Variants in THSD4 observed in about 807,000 individuals in gnomAD.
THSD4 encodes thrombospondin type-1 domain-containing protein 4.
In THSD4, 69 loss-of-function variants were observed where a neutral mutation model predicts 119.0. The ratio of observed to expected loss-of-function variants is 0.58; its 90% CI spans 0.48 to 0.71. The LOEUF is 0.71. Ranked by LOEUF, THSD4 falls within the 30% of genes least tolerant of loss-of-function variation. The probability of loss-of-function intolerance (pLI) is 0.00; values close to 1 mark genes in which losing one functional copy is unlikely to be tolerated. For missense variants in THSD4, 1,393 were observed against 1,391.1 expected, an observed-to-expected ratio of 1.00 and a Z score of -0.02; for synonymous variants, 524 against 540.4, an observed-to-expected ratio of 0.97 and a Z score of 0.42.
intron 1 of THSD4, among the ~76,000 whole-genome samples, chr15:71,130,232 C>T (rs1227366410): frequency 6.6e-6 from 1 of 152,160 alleles, no homozygotes; most frequent in African/African-American, 2.4e-5. Flanking sequence ...GTTGACCAGG[C>T]TCGAGTGCAG....
At chr15:71,747,499 C>T (rs1159092750) in intron 13 of THSD4, among the ~76,000 whole-genome samples, 3 of 152,166 alleles carry the variant, frequency 2.0e-5, no homozygotes, top group Non-Finnish European at 4.4e-5. Flanking sequence ...AGAAGACACA[C>T]GAACAACGTT....
intron 7 of THSD4, among the ~76,000 whole-genome samples, chr15:71,659,186 C>T (rs1163305228): frequency 6.6e-6 from 1 of 152,228 alleles, no homozygotes; most frequent in African/African-American, 2.4e-5. Context: ...TTTCAAGTAT[C>T]TTTCCATATC....
intron 3 of THSD4, among the ~76,000 whole-genome samples, chr15:71,200,580 C>CA (rs1567155436): frequency 6.6e-6 from 1 of 152,152 alleles, no homozygotes; most frequent in Non-Finnish European, 1.5e-5. Flanking sequence ...ATCAAGTGCT[C>CA]AAAGCCATTG....
At chr15:71,602,020 G>A (rs2050020280) in intron 7 of THSD4, among the ~76,000 whole-genome samples, 1 of 152,174 alleles carries the variant, frequency 6.6e-6, no homozygotes, top group Non-Finnish European at 1.5e-5. Context: ...ACATGATGTA[G>A]GAGGTGGGAT....
At chr15:71,203,942 C>T (rs1170751305) in intron 3 of THSD4, among the ~76,000 whole-genome samples, 1 of 152,216 alleles carries the variant, frequency 6.6e-6, no homozygotes, top group African/African-American at 2.4e-5. Context: ...CAGGCAGACT[C>T]TTCTGCTAGA....
At position 71,664,753 on chromosome 15, in the gene THSD4, T is replaced by G. The variant is rs536454391; in HGVS notation, c.1357+4019T>G. On this transcript the variant is annotated intron_variant, in intron 8 of 17. Coordinates refer to ENST00000261862, the MANE Select transcript of THSD4 (RefSeq NM_024817.3). Reference sequence around the variant, plus strand: ...TAAGTGATAGCATGTGGTATTTGGTTTTCTGTTCCTGCGTGGTTTTCTAAG... The same window carrying G: ...TAAGTGATAGCATGTGGTATTTGGTGTTCTGTTCCTGCGTGGTTTTCTAAG... Among the ~76,000 whole-genome samples the G allele has an allele frequency of 9.2e-5, 14 of 152,326 alleles. No homozygotes were observed. In the South Asian group the frequency reaches 1.9e-3, roughly 20 times the overall value.
At chr15:71,635,010 T>A (rs747400058) in intron 7 of THSD4, among the ~76,000 whole-genome samples, 10 of 152,196 alleles carry the variant, frequency 6.6e-5, no homozygotes, top group Non-Finnish European at 1.2e-4. Context: ...ATTAAGACCG[T>A]CAGATATTTC....
intron 8 of THSD4, among the ~76,000 whole-genome samples, chr15:71,703,111 A>C (rs2052324909): frequency 6.6e-6 from 1 of 152,014 alleles, no homozygotes; most frequent in African/African-American, 2.4e-5. Context: ...AGTAGCTGGA[A>C]TTACAGGCAT....
At chr15:71,113,116 G>T (rs1163526983), upstream of THSD4, among the ~76,000 whole-genome samples, 1 of 152,252 alleles carries the variant, frequency 6.6e-6, no homozygotes. Context: ...TTGAGCCCAG[G>T]AGGTGGAGCC....
At chr15:71,138,551 T>A (rs2040571606) in intron 1 of THSD4, among the ~76,000 whole-genome samples, 1 of 152,176 alleles carries the variant, frequency 6.6e-6, no homozygotes, top group Non-Finnish European at 1.5e-5. Context: ...GGGACTTGAC[T>A]GCCCAGTAGA....
At chr15:71,229,605 A>G (rs2044044893) in intron 4 of THSD4, among the ~76,000 whole-genome samples, 2 of 152,128 alleles carry the variant, frequency 1.3e-5, no homozygotes, top group African/African-American at 4.8e-5. Flanking sequence ...GCAACCATCC[A>G]TTTTTTTCAC....
At chr15:71,323,096 T>TA (rs34395762) in intron 6 of THSD4, among the ~76,000 whole-genome samples, 12,597 of 98,338 alleles carry the variant, frequency 0.13, 1,222 homozygotes, top group African/African-American at 0.25. Flanking sequence ...GACCCTGTCT[T>TA]AAAAAAAAAA....
At chr15:71,669,807 A>C (rs941134944) in intron 8 of THSD4, among the ~76,000 whole-genome samples, 3 of 152,146 alleles carry the variant, frequency 2.0e-5, no homozygotes, top group Non-Finnish European at 4.4e-5. Flanking sequence ...GTTTCCTCTG[A>C]GTGTGCGTGG....
chr15:71,403,811 A>G (rs924106818), intron 6 of THSD4, among the ~76,000 whole-genome samples: 3 of 151,258 alleles, frequency 2.0e-5, no homozygotes, highest in Admixed American at 6.6e-5. Context: ...CATTGCCCCT[A>G]TGGGACTTGG....
At chr15:71,549,593 A>C (rs2048896703) in intron 7 of THSD4, 1 of 152,194 alleles carries the variant, frequency 6.6e-6, no homozygotes, top group South Asian at 2.1e-4. Context: ...GTTACTTGCA[A>C]AACTTACCCA....
intron 4 of THSD4, among the ~76,000 whole-genome samples, chr15:71,236,290 CT>C (rs1182146753): frequency 1.3e-5 from 2 of 152,216 alleles, no homozygotes; most frequent in Non-Finnish European, 2.9e-5. Flanking sequence ...GGAAGCCCCC[CT>C]ATAGCTGCAG....
At chr15:71,695,787 A>G (rs1006788494) in intron 8 of THSD4, among the ~76,000 whole-genome samples, 1 of 152,152 alleles carries the variant, frequency 6.6e-6, no homozygotes, top group Non-Finnish European at 1.5e-5. Flanking sequence ...ACTCTTCCTC[A>G]TTGTTAGCTC....
chr15:71,727,731 C>G (rs1199695857), intron 8 of THSD4, among the ~76,000 whole-genome samples: 3 of 132,132 alleles, frequency 2.3e-5, no homozygotes, highest in Non-Finnish European at 4.7e-5. Context: ...GATCACACCA[C>G]TGCACTCCAG....
At chr15:71,599,255 C>T (rs2049963373) in intron 7 of THSD4, among the ~76,000 whole-genome samples, 1 of 152,172 alleles carries the variant, frequency 6.6e-6, no homozygotes, top group African/African-American at 2.4e-5. Flanking sequence ...ACAGTATATA[C>T]AAGATAAATA....
Sources: allele counts gnomAD v4.1 joint callset (sites outside exome capture counted in the v4.1 genomes callset), GRCh38; gene constraint gnomAD v4.1.1; transcripts MANE v1.5; gene names NCBI Gene and HGNC (gene_info 2026-07-23, HGNC 2026-07-21).